GREB1L: variants seen among roughly 807,000 people sequenced by gnomAD.
The protein encoded by GREB1L is GREB1-like protein.
A neutral mutation model predicts 200.8 loss-of-function variants in GREB1L; 17 were observed. The observed-to-expected ratio is 0.08, with a 90% CI of 0.06 to 0.13. The LOEUF is 0.13. Ranked by LOEUF, GREB1L falls within the 10% of genes least tolerant of loss-of-function variation. GREB1L has a pLI of 1.00. For synonymous variants in GREB1L, 789 were observed against 893.0 expected (o/e 0.88, Z 2.08); for missense variants, 1,657 against 2,367.7 (o/e 0.70, Z 6.23).
At chr18:21,393,750 G>T (rs2040928222) in intron 4 of GREB1L, among the ~76,000 whole-genome samples, 2 of 152,010 alleles carry the variant, frequency 1.3e-5, no homozygotes, top group Non-Finnish European at 2.9e-5. Flanking sequence ...TTTTAATAGA[G>T]AAGGGTTTCA....
chr18:21,256,103 A>G (rs2037794657), intron 1 of GREB1L, among the ~76,000 whole-genome samples: 1 of 152,210 alleles, frequency 6.6e-6, no homozygotes, highest in African/African-American at 2.4e-5. Context: ...AATTAGCATC[A>G]TTTTAAAAAA....
chr18:21,272,136 A>G (rs950794144), intron 1 of GREB1L, among the ~76,000 whole-genome samples: 2 of 152,202 alleles, frequency 1.3e-5, no homozygotes, highest in African/African-American at 2.4e-5. Context: ...TTAAAATTCC[A>G]CTGGCTTAAT....
intron 11 of GREB1L, among the ~76,000 whole-genome samples, chr18:21,445,255 A>T (rs1016990031): frequency 2.0e-5 from 3 of 152,238 alleles, no homozygotes; most frequent in African/African-American, 7.2e-5. Context: ...TGGGCGGATC[A>T]CCTGAGGTGG....
At chr18:21,267,506 T>G (rs1411132688) in intron 1 of GREB1L, among the ~76,000 whole-genome samples, 1 of 152,090 alleles carries the variant, frequency 6.6e-6, no homozygotes, top group African/African-American at 2.4e-5. Flanking sequence ...TTAATTGGGC[T>G]TTTTGAGAAA....
chr18:21,333,703 T>G (rs1033187622), intron 1 of GREB1L, among the ~76,000 whole-genome samples: 1 of 150,408 alleles, frequency 6.6e-6, no homozygotes, highest in Non-Finnish European at 1.5e-5. Context: ...AATTCTAGTC[T>G]GGGTTTGGTG....
chr18:21,469,660 A>G (rs750654629), intron 15 of GREB1L, among the ~76,000 whole-genome samples: 1 of 152,226 alleles, frequency 6.6e-6, no homozygotes, highest in Admixed American at 6.5e-5. Context: ...ATATGTATGT[A>G]TATTAACCCA....
intron 1 of GREB1L, among the ~76,000 whole-genome samples, chr18:21,312,432 A>T (rs1441612403): frequency 6.6e-6 from 1 of 152,214 alleles, no homozygotes; most frequent in East Asian, 1.9e-4. Flanking sequence ...GAAGTAATTC[A>T]CACTCACACC....
rs1162593072 is a variant in GREB1L, at chr18:21,508,576, A to G, written c.4720A>G (p.Asn1574Asp). 1.9e-6 allele frequency: 3 copies of G among 1,551,552 alleles called. No homozygotes were observed. The highest frequency in any genetic ancestry group is 2.6e-6 in the Non-Finnish European group (3 of 1,147,030). ...CATGCTGGTGCTTCCCGGCATGTTC[A>G]ATAATGCAGGCGTGGGTAAGGGGCC... Reference protein sequence around the residue: ...HIMLVLPGMFNNAGVGAARFL... With the variant: ...HIMLVLPGMFDNAGVGAARFL... The change falls in exon 27 of 33, where the codon AAT (asparagine) becomes GAT (aspartate). Residue 1574 changes from asparagine to aspartate, a missense_variant. Transcript: ENST00000424526.
At chr18:21,485,484 A>C in intron 17 of GREB1L, 136 bp from the exon 18 acceptor site, 1 of 689,076 alleles carries the variant, frequency 1.5e-6, no homozygotes, top group Non-Finnish European at 2.3e-6. Flanking sequence ...GTCGGGTTAC[A>C]TAATGAAACA....
Position 21,293,138 on chromosome 18 carries a change from G to C in GREB1L, c.-120+50745G>C, listed in dbSNP as rs2038476453. 3.3e-5 allele frequency among the ~76,000 whole-genome samples: 5 copies of C among 152,290 alleles called. No homozygotes were observed. The South Asian group carries it at 1.0e-3, about 32-fold the overall frequency. On this transcript the variant is annotated intron_variant, in intron 1 of 32. Transcript: ENST00000424526. ...AGAAAGCAGTAATCACAAAATGAGT[G>C]ATTTTGCAGCTCTGGTATGGCCTTG...
chr18:21,444,138 C>A, intron 10 of GREB1L, 86 bp from the exon 11 acceptor site: 5 of 894,144 alleles, frequency 5.6e-6, no homozygotes, highest in Non-Finnish European at 5.0e-6. Flanking sequence ...TTTTGTTAAG[C>A]AGCTTTGATC....
intron 17 of GREB1L, 112 bp downstream of exon 17, chr18:21,477,468 A>G: frequency 2.4e-6 from 2 of 826,772 alleles, no homozygotes; most frequent in South Asian, 3.2e-5. Flanking sequence ...AGAATTCAAA[A>G]TCTAACGTAA....
intron 5 of GREB1L, among the ~76,000 whole-genome samples, chr18:21,399,109 A>G (rs1029531154): frequency 6.6e-6 from 1 of 152,212 alleles, no homozygotes; most frequent in African/African-American, 2.4e-5. Flanking sequence ...AGACAGAGGA[A>G]AAGATCAAAC....
At chr18:21,423,792 A>T (rs1307549659) in intron 7 of GREB1L, among the ~76,000 whole-genome samples, 2 of 152,172 alleles carry the variant, frequency 1.3e-5, no homozygotes, top group African/African-American at 4.8e-5. Context: ...CAAGGAGTTG[A>T]GGCTGCAGTG....
chr18:21,437,248 CAGTT>C (rs759302138), intron 7 of GREB1L, among the ~76,000 whole-genome samples: 1 of 152,060 alleles, frequency 6.6e-6, no homozygotes, highest in Non-Finnish European at 1.5e-5. Context: ...AATTTTTCAA[CAGTT>C]AGGCATCATA....
chr18:21,273,214 T>A (rs1449798768), intron 1 of GREB1L, among the ~76,000 whole-genome samples: 1 of 152,128 alleles, frequency 6.6e-6, no homozygotes. Context: ...GGTGACAGAA[T>A]GAGACTCCAT....
chr18:21,341,368 A>G (rs577807330), intron 1 of GREB1L, among the ~76,000 whole-genome samples: 5 of 152,106 alleles, frequency 3.3e-5, no homozygotes, highest in Non-Finnish European at 5.9e-5. Flanking sequence ...CTCATCTGCA[A>G]TCATCTTGAA....
chr18:21,438,875 G>A (rs997820564), intron 7 of GREB1L, among the ~76,000 whole-genome samples: 7 of 150,066 alleles, frequency 4.7e-5, no homozygotes, highest in African/African-American at 1.5e-4. Flanking sequence ...GCAGGAGAAT[G>A]GCATGAACCT....
chr18:21,339,258 T>G (rs1254683865), intron 1 of GREB1L, among the ~76,000 whole-genome samples: 1 of 152,194 alleles, frequency 6.6e-6, no homozygotes, highest in Non-Finnish European at 1.5e-5. Flanking sequence ...AGAATGTATT[T>G]GATTGTATAG....
Sources: allele counts gnomAD v4.1 joint callset (sites outside exome capture counted in the v4.1 genomes callset), GRCh38; gene constraint gnomAD v4.1.1; transcripts MANE v1.5; gene names NCBI Gene and HGNC (gene_info 2026-07-23, HGNC 2026-07-21).